The following ELFN2 variants were observed in gnomAD, a reference collection of about 807,000 sequenced individuals.
The protein encoded by ELFN2 is extracellular leucine rich repeat and fibronectin type III domain containing 2, also known as protein phosphatase 1 regulatory subunit 29.
A neutral mutation model predicts 45.5 loss-of-function variants in ELFN2; 17 were observed. The observed-to-expected ratio is 0.37, with a 90% confidence interval of 0.26 to 0.56. The LOEUF (loss-of-function observed/expected upper bound fraction) is 0.56, where lower values mean the gene tolerates loss of function less well. Among genes scored for constraint, ELFN2 ranks in the 20% least tolerant of loss-of-function variants. ELFN2 has a pLI of 0.77. For missense variants in ELFN2, 922 were observed against 1,183.2 expected (o/e 0.78, Z 3.24); for synonymous variants, 550 against 551.5 (o/e 1.00, Z 0.04).
At chr22:37,378,568 G>A (rs866804036) in intron 2 of ELFN2, among the ~76,000 whole-genome samples, 14 of 152,344 alleles carry the variant, frequency 9.2e-5, no homozygotes, top group Admixed American at 2.6e-4. Flanking sequence ...GGCCCGCCGT[G>A]CCCCAAGCCC....
intron 2 of ELFN2, among the ~76,000 whole-genome samples, chr22:37,409,105 G>A (rs867646428): frequency 1.3e-5 from 2 of 152,200 alleles, no homozygotes; most frequent in South Asian, 2.1e-4. Context: ...GCCCCAAGGC[G>A]GAAAGACAGC....
At position 37,359,610 on chromosome 22, in the gene ELFN2, G is replaced by C. The variant is rs1346625167; in HGVS notation, n.149-16907C>G. Among the ~76,000 whole-genome samples the C allele has an allele frequency of 2.0e-5, 3 of 152,246 alleles. No homozygotes were observed. In the East Asian group the frequency reaches 5.8e-4, roughly 29 times the overall value. ...CTCAAGGCTTCCGTGCCTCGATACAGCTACGTGAAGCAGGAGTAGCTCAAT... is the reference window on the plus strand; with the variant it reads ...CTCAAGGCTTCCGTGCCTCGATACACCTACGTGAAGCAGGAGTAGCTCAAT... On this transcript the variant is annotated intron_variant and non_coding_transcript_variant, in intron 1 of 2. Transcript: ENST00000452946.
At chr22:37,409,229 C>T (rs995225670) in intron 2 of ELFN2, among the ~76,000 whole-genome samples, 10 of 152,222 alleles carry the variant, frequency 6.6e-5, no homozygotes, top group Non-Finnish European at 1.3e-4. Context: ...CCGGCCCCAC[C>T]CCCAGCTCCG....
rs1931432934 is a variant in ELFN2, at chr22:37,373,281, A to G, written c.2254T>C (p.Tyr752His). The G allele has an allele frequency of 6.2e-7, 1 of 1,613,598 alleles. No homozygotes were observed. The highest frequency in any genetic ancestry group is 1.7e-5 in the Admixed American group (1 of 60,004). The change falls in exon 3 of 3, where the codon TAC becomes CAC. Residue 752 changes from tyrosine to histidine, a missense_variant. Transcript: ENST00000402918. ...TCGGGGCTGGAGGAGTACCCTGAGT[A>G]GTAGTGTCTGGGGGAGAGCTGCGAG... ...TYSQLSPRHY[Y>H]SGYSSSPEYS...
intron 2 of ELFN2, among the ~76,000 whole-genome samples, chr22:37,411,259 C>A (rs929639113): frequency 6.6e-6 from 1 of 152,174 alleles, no homozygotes; most frequent in African/African-American, 2.4e-5. Context: ...CTCTGACCTG[C>A]GACCACCAAG....
At chr22:37,387,250 G>A (rs563990109) in intron 2 of ELFN2, among the ~76,000 whole-genome samples, 7 of 151,738 alleles carry the variant, frequency 4.6e-5, no homozygotes, top group East Asian at 1.9e-4. Context: ...CCTGTTCCCC[G>A]GCCTCGGTTT....
At chr22:37,351,465 G>A (rs1930819491) in intron 1 of ELFN2, among the ~76,000 whole-genome samples, 1 of 149,994 alleles carries the variant, frequency 6.7e-6, no homozygotes, top group South Asian at 2.1e-4. Flanking sequence ...CTGGGTGCTG[G>A]CATTGACTCC....
At chr22:37,408,896 G>C (rs1406937009) in intron 2 of ELFN2, among the ~76,000 whole-genome samples, 2 of 152,188 alleles carry the variant, frequency 1.3e-5, no homozygotes, top group Admixed American at 1.3e-4. Flanking sequence ...CTGGCACATG[G>C]TGTGTTGATA....
rs1932777280 is a variant in ELFN2 at position 37,417,760 on chromosome 22, T to A, written c.-463+9A>T. 6.6e-6 allele frequency: 1 copy of A among 152,516 alleles called. No homozygotes were observed. The allele number at this position is 152,516 out of a possible 1,614,324, so 9.4% of individuals were successfully genotyped here. On this transcript the variant is annotated intron_variant, in intron 2 of 2. Transcript: ENST00000402918. The surrounding 1 kb of genome is among the most constrained non-coding windows in gnomAD (Gnocchi z 4.5). ...GACACACACACAGGCAAAAGGACCC[T>A]GTCCTTACCAGATGTCTGCAGCAGA... is the stretch of plus-strand genomic sequence containing the variant.
intron 2 of ELFN2, among the ~76,000 whole-genome samples, chr22:37,407,733 TA>T (rs113746773): frequency 0.032 from 4,550 of 144,218 alleles, 256 homozygotes; most frequent in African/African-American, 0.11. Flanking sequence ...CCATCTCTAC[TA>T]AAAAAAAAAA....
chr22:37,359,217 T>C (rs1174707649), intron 1 of ELFN2, among the ~76,000 whole-genome samples: 1 of 152,120 alleles, frequency 6.6e-6, no homozygotes, highest in Non-Finnish European at 1.5e-5. Context: ...AATCATCTGG[T>C]CCAAATGAGG....
At chr22:37,352,612 C>A (rs1346528916) in intron 1 of ELFN2, among the ~76,000 whole-genome samples, 2 of 150,520 alleles carry the variant, frequency 1.3e-5, no homozygotes, top group Non-Finnish European at 3.0e-5. Flanking sequence ...GCTGGCGTGG[C>A]AAAGTTGGGG....
intron 2 of ELFN2, among the ~76,000 whole-genome samples, chr22:37,383,428 A>T (rs1025000305): frequency 9.2e-5 from 14 of 151,974 alleles, no homozygotes; most frequent in Non-Finnish European, 1.0e-4. Context: ...CCCCCATTCA[A>T]TCATGTCTTG....
Position 37,398,921 on chromosome 22 carries a change from C to A in ELFN2, c.-463+18848G>T, listed in dbSNP as rs945292449. On this transcript the variant is annotated intron_variant, in intron 2 of 2. Coordinates refer to ENST00000402918, the MANE Select transcript of ELFN2 (RefSeq NM_052906.5). ...AGAACAGCACCTCCAAGAAACACCC[C>A]CTGTAATTCCTCAGCTCCCCTACCA... Among the ~76,000 whole-genome samples the A allele has an allele frequency of 1.4e-4, 21 of 152,128 alleles. 1 individual carries two copies. The highest frequency in any genetic ancestry group is 5.1e-4 in the African/African-American group (21 of 41,424).
chr22:37,364,082 C>T (rs1444829637), downstream of ELFN2, among the ~76,000 whole-genome samples: 1 of 152,198 alleles, frequency 6.6e-6, no homozygotes, highest in African/African-American at 2.4e-5. Flanking sequence ...AAGAGCAGAA[C>T]TCAGAATTGG....
chr22:37,414,632 T>C (rs1023994289), intron 2 of ELFN2, among the ~76,000 whole-genome samples: 1 of 152,172 alleles, frequency 6.6e-6, no homozygotes, highest in African/African-American at 2.4e-5. Flanking sequence ...CTTCCATTAA[T>C]AGTCCTCCCA....
intron 2 of ELFN2, among the ~76,000 whole-genome samples, chr22:37,410,261 G>A (rs1312823779): frequency 6.6e-6 from 1 of 152,152 alleles, no homozygotes; most frequent in Non-Finnish European, 1.5e-5. Context: ...TCAGGCCCTA[G>A]GGTGATCCTG....
chr22:37,423,888 A>G (rs1489430652), intron 1 of ELFN2, among the ~76,000 whole-genome samples: 1 of 152,126 alleles, frequency 6.6e-6, no homozygotes, highest in African/African-American at 2.4e-5. Context: ...ATCTCCAGTA[A>G]TAATGTCAAT....
downstream of ELFN2, among the ~76,000 whole-genome samples, chr22:37,365,609 C>T (rs539355274): frequency 1.3e-5 from 2 of 152,192 alleles, no homozygotes; most frequent in South Asian, 2.1e-4. Context: ...AGCCCTTGGG[C>T]GAGGCTTGAG....
Sources: allele counts gnomAD v4.1 joint callset (sites outside exome capture counted in the v4.1 genomes callset), GRCh38; gene constraint gnomAD v4.1.1; non-coding constraint Gnocchi (gnomAD v3.1); transcripts MANE v1.5; gene names NCBI Gene and HGNC (gene_info 2026-07-23, HGNC 2026-07-21).